The following DAAM1 variants were observed in gnomAD, a reference collection of about 807,000 sequenced individuals.
The protein encoded by DAAM1 is disheveled-associated activator of morphogenesis 1.
DAAM1 carries 52 observed loss-of-function variants against 130.0 expected under a neutral mutation model. That is an observed-to-expected ratio of 0.40 (90% CI 0.32 to 0.50). DAAM1 has a LOEUF of 0.50. Among genes scored for constraint, DAAM1 ranks in the 20% least tolerant of loss-of-function variants. The pLI is 0.61. For synonymous variants in DAAM1, 452 were observed against 444.5 expected (o/e 1.02, Z -0.21); for missense variants, 1,134 against 1,303.8 (o/e 0.87, Z 2.01).
chr14:59,289,648 T>A (rs1416186832), intron 2 of DAAM1, among the ~76,000 whole-genome samples: 1 of 151,422 alleles, frequency 6.6e-6, no homozygotes, highest in East Asian at 1.9e-4. Flanking sequence ...CAAAGCAAAA[T>A]AAATTGTTCT....
At chr14:59,285,491 A>C (rs1470472701) in intron 2 of DAAM1, among the ~76,000 whole-genome samples, 1 of 152,212 alleles carries the variant, frequency 6.6e-6, no homozygotes, top group Non-Finnish European at 1.5e-5. Context: ...ATGGAGTAGC[A>C]ATTTGGATAA....
Position 59,363,796 on chromosome 14 carries a change from T to C in DAAM1, c.2826+14T>C. 5 of 1,612,826 alleles carry C rather than the reference T, an allele frequency of 3.1e-6. No individual in the cohort carries two copies. Among genetic ancestry groups the C allele is most frequent in the Non-Finnish European group, 4.2e-6 (5 of 1,179,744 alleles). On this transcript the variant is annotated intron_variant, in intron 23 of 24. Coordinates refer to ENST00000360909, the MANE Select transcript of DAAM1 (RefSeq NM_001270520.2). ...GCTAAAGACCTGGTAAGTTTCCCCC[T>C]TGTGCACTGAGTGTTGTTTGACCGG...
At chr14:59,241,749 T>C (rs12100632) in intron 1 of DAAM1, among the ~76,000 whole-genome samples, 8,805 of 152,216 alleles carry the variant, frequency 0.058, 862 homozygotes, top group African/African-American at 0.2. Flanking sequence ...ATAGAAACAA[T>C]TGGGCTATGA....
intron 20 of DAAM1, among the ~76,000 whole-genome samples, chr14:59,358,888 TACTTTAG>T (rs1285959341): frequency 2.0e-5 from 3 of 151,026 alleles, no homozygotes; most frequent in Non-Finnish European, 2.9e-5. Flanking sequence ...TGCTGCTCTG[TACTTTAG>T]ACTTAAGAAT....
intron 1 of DAAM1, among the ~76,000 whole-genome samples, chr14:59,190,395 T>A (rs1887697200): frequency 6.6e-6 from 1 of 152,154 alleles, no homozygotes; most frequent in African/African-American, 2.4e-5. Flanking sequence ...TAGTTTATGG[T>A]GTTGGAGGCA....
chr14:59,326,483 T>A, intron 10 of DAAM1, 27 bp from the exon 11 acceptor site: 1 of 1,559,310 alleles, frequency 6.4e-7, no homozygotes, highest in Admixed American at 2.0e-5. Context: ...CTTGAAGATT[T>A]TTTTTCACTA....
intron 1 of DAAM1, among the ~76,000 whole-genome samples, chr14:59,230,417 A>C (rs1484155728): frequency 6.6e-6 from 1 of 152,098 alleles, no homozygotes; most frequent in Non-Finnish European, 1.5e-5. Context: ...TATCCAAACA[A>C]ATTAAATACT....
intron 23 of DAAM1, among the ~76,000 whole-genome samples, chr14:59,367,052 G>T (rs913589555): frequency 9.2e-5 from 14 of 152,158 alleles, no homozygotes; most frequent in African/African-American, 2.6e-4. Context: ...ACTTTGGGAG[G>T]CCAAGGTGGG....
chr14:59,221,968 T>C (rs759840038), intron 1 of DAAM1, among the ~76,000 whole-genome samples: 9 of 152,210 alleles, frequency 5.9e-5, no homozygotes, highest in Non-Finnish European at 1.2e-4. Flanking sequence ...CCTATACCTG[T>C]GAATCTTGGC....
intron 5 of DAAM1, among the ~76,000 whole-genome samples, chr14:59,321,992 T>G (rs1233182154): frequency 6.6e-6 from 1 of 152,182 alleles, no homozygotes; most frequent in Non-Finnish European, 1.5e-5. Context: ...ATTAATAACG[T>G]TAGTATGCAA....
At chr14:59,270,506 C>G (rs1882663792) in intron 2 of DAAM1, among the ~76,000 whole-genome samples, 1 of 152,176 alleles carries the variant, frequency 6.6e-6, no homozygotes, top group African/African-American at 2.4e-5. Context: ...GACCCAAACA[C>G]TTCCCATTAG....
chr14:59,357,008 G>A (rs2139677079), intron 20 of DAAM1, among the ~76,000 whole-genome samples: 1 of 152,320 alleles, frequency 6.6e-6, no homozygotes, highest in South Asian at 2.1e-4. Flanking sequence ...GTAGGTGGTG[G>A]GACAGTCAGC....
intron 3 of DAAM1, among the ~76,000 whole-genome samples, chr14:59,305,791 GC>G (rs1450362402): frequency 6.6e-6 from 1 of 152,130 alleles, no homozygotes; most frequent in Non-Finnish European, 1.5e-5. Context: ...CTCTTTTCTT[GC>G]TTTTCTTGCT....
At chr14:59,286,795 A>G (rs1046902863) in intron 2 of DAAM1, among the ~76,000 whole-genome samples, 4 of 152,060 alleles carry the variant, frequency 2.6e-5, no homozygotes, top group African/African-American at 9.7e-5. Context: ...ATACAAAAAA[A>G]TACCTACCAA....
At chr14:59,207,820 C>A (rs1270916146) in intron 1 of DAAM1, among the ~76,000 whole-genome samples, 1 of 152,158 alleles carries the variant, frequency 6.6e-6, no homozygotes, top group Non-Finnish European at 1.5e-5. Flanking sequence ...GAGAGGATAC[C>A]CAGTAATCTC....
intron 5 of DAAM1, among the ~76,000 whole-genome samples, chr14:59,322,378 TG>T (rs1031890503): frequency 2.0e-5 from 3 of 151,650 alleles, no homozygotes; most frequent in African/African-American, 7.3e-5. Context: ...AAAAATTGAC[TG>T]GGAATGGTGG....
rs370518911 is a variant in DAAM1, at chr14:59,269,540, T to C, written c.183+5880T>C. Among the ~76,000 whole-genome samples, 3 of 152,348 alleles carry C rather than the reference T, an allele frequency of 2.0e-5. No individual in the cohort carries two copies. The East Asian group carries it at 5.8e-4, about 29-fold the overall frequency. On this transcript the variant is annotated intron_variant, in intron 2 of 24. Transcript: ENST00000360909. ...CACTTATCTGCCGATGAAAGTTGGG[T>C]TCTCCAGTGCAGCTTACGTGAGTAA...
intron 2 of DAAM1, among the ~76,000 whole-genome samples, chr14:59,279,975 G>A (rs1235408213): frequency 6.6e-6 from 1 of 152,120 alleles, no homozygotes; most frequent in Non-Finnish European, 1.5e-5. Flanking sequence ...CAGTAAACAT[G>A]TGAAAAGTTA....
intron 2 of DAAM1, among the ~76,000 whole-genome samples, chr14:59,287,993 G>A (rs537078122): frequency 4.9e-4 from 75 of 152,106 alleles, no homozygotes; most frequent in Admixed American, 1.1e-3. Context: ...AACAAAGCCG[G>A]GGGCATCACA....
Sources: allele counts gnomAD v4.1 joint callset (sites outside exome capture counted in the v4.1 genomes callset), GRCh38; gene constraint gnomAD v4.1.1; transcripts MANE v1.5; gene names NCBI Gene and HGNC (gene_info 2026-07-23, HGNC 2026-07-21).